Variants in GRID1 observed in about 807,000 individuals in gnomAD.
GRID1 encodes the protein glutamate receptor ionotropic, delta-1.
In GRID1, 28 loss-of-function variants were observed where a neutral mutation model predicts 98.0. That is an observed-to-expected ratio of 0.29 (90% CI 0.21 to 0.39). GRID1 has a LOEUF of 0.39. Ranked by LOEUF, GRID1 falls within the 10% of genes least tolerant of loss-of-function variation. The pLI is 1.00. For synonymous variants in GRID1, 553 were observed against 538.5 expected (o/e 1.03, Z -0.37); for missense variants, 1,111 against 1,340.5 (o/e 0.83, Z 2.67).
chr10:86,026,527 C>G lies in GRID1; in HGVS notation c.727-110288G>C, dbSNP rs927954330. On this transcript the variant is annotated intron_variant, in intron 4 of 15. Transcript: ENST00000327946. ...AGGCTCGCTTTTGTTGAAATCTCCA[C>G]TGGTGCTGGCTGTCAAAGAGAAAGC... Among the ~76,000 whole-genome samples the G allele has an allele frequency of 3.9e-5, 6 of 152,352 alleles. No homozygotes were observed. The South Asian group carries it at 1.0e-3, about 26-fold the overall frequency.
At chr10:85,707,502 T>C (rs926639636) in intron 12 of GRID1, among the ~76,000 whole-genome samples, 7 of 152,206 alleles carry the variant, frequency 4.6e-5, no homozygotes, top group African/African-American at 1.7e-4. Context: ...GGAACACTTT[T>C]ACACTGTTGG....
At chr10:86,103,615 A>T (rs752498832) in intron 4 of GRID1, among the ~76,000 whole-genome samples, 1 of 152,192 alleles carries the variant, frequency 6.6e-6, no homozygotes, top group Non-Finnish European at 1.5e-5. Flanking sequence ...TGCTTATGTA[A>T]TGCCTTCTTA....
intron 8 of GRID1, among the ~76,000 whole-genome samples, chr10:85,784,636 G>A (rs927055768): frequency 5.9e-5 from 9 of 152,298 alleles, no homozygotes; most frequent in African/African-American, 1.2e-4. Context: ...GCAGACAACC[G>A]TGAGCATCAG....
chr10:86,084,540 C>T (rs1844023447), intron 4 of GRID1, among the ~76,000 whole-genome samples: 1 of 152,060 alleles, frequency 6.6e-6, no homozygotes. Flanking sequence ...TGAACATATA[C>T]CCAAAATAAG....
chr10:86,117,739 T>C (rs1026128637), intron 4 of GRID1, among the ~76,000 whole-genome samples: 1 of 152,168 alleles, frequency 6.6e-6, no homozygotes, highest in Admixed American at 6.5e-5. Flanking sequence ...ATCAGAGAAA[T>C]GCAAATCAAA....
intron 2 of GRID1, among the ~76,000 whole-genome samples, chr10:86,207,396 G>A (rs980881139): frequency 1.4e-4 from 21 of 152,268 alleles, no homozygotes; most frequent in Admixed American, 6.5e-4. Flanking sequence ...CACAGCGGAC[G>A]CTCCAGCAGC....
chr10:86,023,555 C>G (rs1799689512), intron 4 of GRID1, among the ~76,000 whole-genome samples: 1 of 152,182 alleles, frequency 6.6e-6, no homozygotes, highest in Non-Finnish European at 1.5e-5. Context: ...CCAGACCCCT[C>G]TCTTGAACAC....
chr10:86,330,058 C>A (rs930824754), intron 2 of GRID1, among the ~76,000 whole-genome samples: 1 of 152,106 alleles, frequency 6.6e-6, no homozygotes, highest in South Asian at 2.1e-4. Flanking sequence ...AAGTCCTTCC[C>A]CTCCCCCATC....
chr10:85,818,302 A>G (rs925327920), intron 8 of GRID1, among the ~76,000 whole-genome samples: 9 of 152,074 alleles, frequency 5.9e-5, no homozygotes, highest in Non-Finnish European at 1.2e-4. Flanking sequence ...ATCTATTTGT[A>G]TCTACAAATA....
rs537339489 is a variant in GRID1 at position 85,959,351 on chromosome 10, G to A, written c.727-43112C>T. 9.8e-5 allele frequency among the ~76,000 whole-genome samples: 15 copies of A among 152,296 alleles called. No individual in the cohort carries two copies. The South Asian group carries it at 1.9e-3, about 19-fold the overall frequency. ...CTCTCTGTGACCTGGCAAATAAAGGGAACAAGACGAGGTGCAGCAGGGTCT... is the reference window on the plus strand; with the variant it reads ...CTCTCTGTGACCTGGCAAATAAAGGAAACAAGACGAGGTGCAGCAGGGTCT... On this transcript the variant is annotated intron_variant, in intron 4 of 15. Transcript: ENST00000327946.
intron 3 of GRID1, among the ~76,000 whole-genome samples, chr10:86,158,593 A>G (rs964613084): frequency 6.6e-6 from 1 of 152,238 alleles, no homozygotes; most frequent in African/African-American, 2.4e-5. Context: ...GGTACCACAG[A>G]GATGGGAAAT....
intron 2 of GRID1, among the ~76,000 whole-genome samples, chr10:86,207,464 A>G (rs1452625443): frequency 6.6e-6 from 1 of 152,160 alleles, no homozygotes; most frequent in Non-Finnish European, 1.5e-5. Context: ...TGTAACTGCA[A>G]GAGGCGCCCC....
chr10:85,865,101 G>GA (rs1448742334), intron 6 of GRID1, among the ~76,000 whole-genome samples: 1 of 152,164 alleles, frequency 6.6e-6, no homozygotes, highest in African/African-American at 2.4e-5. Context: ...GGTTCTGAGG[G>GA]ACTGGTTATC....
chr10:85,854,303 T>A (rs1451500895), intron 8 of GRID1, among the ~76,000 whole-genome samples, 193 bp downstream of exon 8: 1 of 152,206 alleles, frequency 6.6e-6, no homozygotes, highest in Non-Finnish European at 1.5e-5. Flanking sequence ...AATTTCTGTT[T>A]GGAAACCTCT....
chr10:86,222,971 G>A (rs1408589524), intron 2 of GRID1, among the ~76,000 whole-genome samples: 3 of 152,150 alleles, frequency 2.0e-5, no homozygotes, highest in Non-Finnish European at 4.4e-5. Flanking sequence ...GCTCAGCTGG[G>A]GTCATAGGGT....
intron 4 of GRID1, among the ~76,000 whole-genome samples, chr10:85,999,857 T>C (rs1337280754): frequency 1.2e-4 from 18 of 152,192 alleles, no homozygotes; most frequent in Admixed American, 1.2e-3. Context: ...AAAACCTATG[T>C]CTAACATTAT....
intron 8 of GRID1, among the ~76,000 whole-genome samples, chr10:85,779,378 T>C (rs553576035): frequency 6.6e-6 from 1 of 152,286 alleles, no homozygotes; most frequent in East Asian, 1.9e-4. Context: ...TTCTCAGTTC[T>C]CCTGCCAGGG....
chr10:86,159,727 C>T (rs984636151), intron 3 of GRID1, among the ~76,000 whole-genome samples: 18 of 152,216 alleles, frequency 1.2e-4, no homozygotes, highest in African/African-American at 4.3e-4. Context: ...AGGGCTAAGT[C>T]AGCCAGGGTT....
chr10:86,074,071 G>A (rs953607362), intron 4 of GRID1, among the ~76,000 whole-genome samples: 22 of 137,266 alleles, frequency 1.6e-4, no homozygotes, highest in African/African-American at 5.7e-4. Flanking sequence ...ACAAATAGTA[G>A]ACAAAAATAA....
Sources: gnomAD v4.1 joint callset for allele counts (sites outside exome capture counted in the v4.1 genomes callset) on GRCh38, gnomAD v4.1.1 for gene constraint, MANE v1.5 for transcripts, NCBI Gene and HGNC (gene_info 2026-07-23, HGNC 2026-07-21) for gene names.